LRRTM3: variants seen among roughly 807,000 people sequenced by gnomAD.
The protein encoded by LRRTM3 is leucine-rich repeat transmembrane neuronal protein 3.
Under a neutral mutation model 44.7 loss-of-function variants are expected in LRRTM3, and 24 were observed. That is an observed-to-expected ratio of 0.54 (90% CI 0.39 to 0.76). The LOEUF (loss-of-function observed/expected upper bound fraction) is 0.76. Among genes scored for constraint, LRRTM3 ranks in the 30% least tolerant of loss-of-function variants. The pLI, the probability that LRRTM3 is intolerant of heterozygous loss-of-function variation, is 0.00. For synonymous variants in LRRTM3, 277 were observed against 278.7 expected, an observed-to-expected ratio of 0.99 and a Z score of 0.06; for missense variants, 587 against 702.2, an observed-to-expected ratio of 0.84 and a Z score of 1.85.
intron 2 of LRRTM3, among the ~76,000 whole-genome samples, chr10:67,042,675 G>A (rs916115756): frequency 2.6e-4 from 39 of 151,970 alleles, no homozygotes; most frequent in African/African-American, 9.4e-4. Flanking sequence ...AAAGGTAAGA[G>A]TGGGGAAACT....
At chr10:66,973,912 G>A (rs1036220596) in intron 2 of LRRTM3, among the ~76,000 whole-genome samples, 2 of 152,066 alleles carry the variant, frequency 1.3e-5, no homozygotes, top group Non-Finnish European at 2.9e-5. Context: ...GTGAACCACC[G>A]CGTCCAGCCT....
chr10:66,973,692 C>T (rs1026573192), intron 2 of LRRTM3, among the ~76,000 whole-genome samples: 5 of 152,062 alleles, frequency 3.3e-5, no homozygotes, highest in African/African-American at 2.4e-5. Flanking sequence ...GGTGCGATCT[C>T]GGCTCACTGC....
rs564744840 is a variant in LRRTM3, at chr10:66,967,826, C to T, written c.1536+39374C>T. On this transcript the variant is annotated intron_variant, in intron 2 of 2. Transcript: ENST00000361320. ...AATCCTGTTAAGAAAGAATATATCC[C>T]CTCGAAAGGTTCAATTCTACAACAA... is the stretch of plus-strand genomic sequence containing the variant. Among the ~76,000 whole-genome samples the T allele has an allele frequency of 3.2e-4, 48 of 151,934 alleles. No homozygotes were observed. In the East Asian group the frequency reaches 6.8e-3, roughly 21 times the overall value.
rs771004826 is a variant in LRRTM3 at position 66,927,687 on chromosome 10, G to T, written c.771G>T (p.Arg257Ser). ...CCTGGACCTGGAGCTCCTTACAAAGGCTTGATTTATCAGGCAATGAGATCG... is the reference window on the plus strand; with the variant it reads ...CCTGGACCTGGAGCTCCTTACAAAGTCTTGATTTATCAGGCAATGAGATCG... ...TMSWTWSSLQ[R>S]LDLSGNEIEA... The change falls in exon 2 of 3, where the codon AGG becomes AGT. Residue 257 changes from arginine (R) to serine (S), a missense_variant. Physicochemically the swap from Arg to Ser is moderately radical, Grantham distance 110 (BLOSUM62 -1). This residue lies in a region of LRRTM3 where 222 missense variants were observed against 323.3 expected (regional missense o/e 0.69). Coordinates refer to ENST00000361320, the MANE Select transcript of LRRTM3 (RefSeq NM_178011.5). The surrounding 1 kb of genome is among the most constrained non-coding windows in gnomAD (Gnocchi z 4.7). 2 of 1,613,924 alleles carry T rather than the reference G, an allele frequency of 1.2e-6. No homozygotes were observed. The highest frequency in any genetic ancestry group is 1.7e-6 in the Non-Finnish European group (2 of 1,180,032).
At chr10:67,033,019 A>C (rs532675450) in intron 2 of LRRTM3, among the ~76,000 whole-genome samples, 1 of 152,326 alleles carries the variant, frequency 6.6e-6, no homozygotes, top group East Asian at 1.9e-4. Flanking sequence ...ATTATTTTAC[A>C]GTACTTTTAC....
At chr10:67,008,453 A>G (rs1429790216) in intron 2 of LRRTM3, among the ~76,000 whole-genome samples, 1 of 152,062 alleles carries the variant, frequency 6.6e-6, no homozygotes, top group African/African-American at 2.4e-5. Context: ...AATTCACTAC[A>G]GCTTTTTTGT....
At chr10:66,998,549 T>A (rs1320037027) in intron 2 of LRRTM3, among the ~76,000 whole-genome samples, 4 of 151,632 alleles carry the variant, frequency 2.6e-5, no homozygotes, top group African/African-American at 9.7e-5. Flanking sequence ...AATAAAAAGA[T>A]GAAGAATGAC....
At position 67,045,801 on chromosome 10, in the gene LRRTM3, C is replaced by T. The variant is rs73328911; in HGVS notation, c.1537-51786C>T. On this transcript the variant is annotated intron_variant, in intron 2 of 2. Transcript: ENST00000361320. ...AAAGTTTCAATGAATTACTCTATAC[C>T]ACATTGCTAGTTAGTGGCAGCTCCA... is the stretch of plus-strand genomic sequence containing the variant. Among the ~76,000 whole-genome samples the T allele has an allele frequency of 2.2e-3, 342 of 152,226 alleles. 2 individuals carry two copies. Among genetic ancestry groups the T allele is most frequent in the African/African-American group, 7.6e-3 (317 of 41,532 alleles).
At chr10:66,962,060 T>C (rs920194928) in intron 2 of LRRTM3, among the ~76,000 whole-genome samples, 14 of 152,130 alleles carry the variant, frequency 9.2e-5, no homozygotes, top group African/African-American at 2.9e-4. Context: ...CCTGTCTTGG[T>C]TTATTGAAGT....
chr10:67,051,969 G>C (rs951245748), intron 2 of LRRTM3, among the ~76,000 whole-genome samples: 1 of 149,050 alleles, frequency 6.7e-6, no homozygotes, highest in Non-Finnish European at 1.5e-5. Context: ...TGGCCAGGCT[G>C]GTCTCAAACT....
chr10:67,063,275 G>A (rs1168796051), intron 2 of LRRTM3, among the ~76,000 whole-genome samples: 2 of 152,172 alleles, frequency 1.3e-5, no homozygotes, highest in Non-Finnish European at 2.9e-5. Context: ...ATTTTTAAAA[G>A]ATGTATTAGT....
intron 2 of LRRTM3, among the ~76,000 whole-genome samples, chr10:67,003,392 A>T (rs1851790767): frequency 6.6e-6 from 1 of 152,148 alleles, no homozygotes. Flanking sequence ...CCCTACACCA[A>T]TATTTCCCAT....
At chr10:67,041,281 A>G (rs981427011) in intron 2 of LRRTM3, among the ~76,000 whole-genome samples, 4 of 152,120 alleles carry the variant, frequency 2.6e-5, no homozygotes, top group East Asian at 3.9e-4. Context: ...ATGTTGAACT[A>G]TGCTTCCAGC....
intron 2 of LRRTM3, among the ~76,000 whole-genome samples, chr10:67,004,555 T>G (rs1381794460): frequency 6.6e-6 from 1 of 152,198 alleles, no homozygotes; most frequent in African/African-American, 2.4e-5. Context: ...GGCTTTTTTT[T>G]TCAGTGGAAA....
chr10:66,939,478 A>T (rs1847886252), intron 2 of LRRTM3, among the ~76,000 whole-genome samples: 1 of 152,220 alleles, frequency 6.6e-6, no homozygotes, highest in South Asian at 2.1e-4. Flanking sequence ...AATTTAATGT[A>T]AAAGGAGGGA....
intron 2 of LRRTM3, among the ~76,000 whole-genome samples, chr10:66,998,398 G>A (rs964813109): frequency 3.3e-5 from 5 of 152,136 alleles, no homozygotes; most frequent in Admixed American, 1.3e-4. Context: ...AAAATAAAAT[G>A]TAGACATAAA....
intron 2 of LRRTM3, among the ~76,000 whole-genome samples, chr10:66,981,223 G>C (rs1850422364): frequency 1.3e-5 from 2 of 152,122 alleles, no homozygotes; most frequent in African/African-American, 2.4e-5. Flanking sequence ...TTTTCTAGTA[G>C]TTTATTCCTA....
intron 2 of LRRTM3, among the ~76,000 whole-genome samples, chr10:67,027,807 G>A (rs891596612): frequency 6.6e-6 from 1 of 152,068 alleles, no homozygotes; most frequent in African/African-American, 2.4e-5. Flanking sequence ...TACCTACAAA[G>A]AGTATATTCG....
chr10:66,927,324 G>A lies in LRRTM3; in HGVS notation c.408G>A (p.Arg136=). 6.2e-7 allele frequency: 1 copy of A among 1,614,074 alleles called. No individual in the cohort carries two copies. Among genetic ancestry groups the A allele is most frequent in the East Asian group, 2.2e-5 (1 of 44,866 alleles). The change falls in exon 2 of 3, where the codon CGG becomes CGA. Residue 136 remains arginine (R), a synonymous_variant. Transcript: ENST00000361320. The surrounding 1 kb of genome is among the most constrained non-coding windows in gnomAD (Gnocchi z 4.7). ...CCTTCAGACCTGTGACAAATTTACGGAACTTGGATCTGTCCTATAATCAGC... is the reference window on the plus strand; with the variant it reads ...CCTTCAGACCTGTGACAAATTTACGAAACTTGGATCTGTCCTATAATCAGC... ...NNTFRPVTNL[R]NLDLSYNQLH...
Sources: gnomAD v4.1 joint callset for allele counts (sites outside exome capture counted in the v4.1 genomes callset) on GRCh38, gnomAD v4.1.1 for gene constraint, gnomAD v4.1.1 regional missense constraint, Gnocchi (gnomAD v3.1) non-coding constraint, MANE v1.5 for transcripts, NCBI Gene and HGNC (gene_info 2026-07-23, HGNC 2026-07-21) for gene names.